The following ASTN2 variants were observed in gnomAD, a reference collection of about 807,000 sequenced individuals.
ASTN2 encodes the protein astrotactin 2.
Under a neutral mutation model 139.8 loss-of-function variants are expected in ASTN2, and 54 were observed. The observed-to-expected ratio is 0.39, with a 90% CI of 0.31 to 0.48. The LOEUF is 0.48. Ranked by LOEUF, ASTN2 falls within the 20% of genes least tolerant of loss-of-function variation. The probability of loss-of-function intolerance (pLI) is 0.95; values close to 1 mark genes in which losing one functional copy is unlikely to be tolerated. For synonymous variants in ASTN2, 756 were observed against 719.5 expected, an observed-to-expected ratio of 1.05 and a Z score of -0.81; for missense variants, 1,565 against 1,725.1, an observed-to-expected ratio of 0.91 and a Z score of 1.64.
chr9:116,632,807 G>A (rs889999244), intron 17 of ASTN2, among the ~76,000 whole-genome samples: 12 of 152,160 alleles, frequency 7.9e-5, no homozygotes, highest in African/African-American at 2.9e-4. Flanking sequence ...CTGCACCTTT[G>A]ACAACATATC....
intron 1 of ASTN2, among the ~76,000 whole-genome samples, chr9:117,372,241 T>C (rs1830009624): frequency 6.6e-6 from 1 of 152,192 alleles, no homozygotes. Flanking sequence ...TGCCTCTTCC[T>C]CTCTCTTTCC....
intron 3 of ASTN2, among the ~76,000 whole-genome samples, chr9:117,155,179 TGTC>T (rs1250159478): frequency 6.6e-6 from 1 of 152,042 alleles, no homozygotes; most frequent in Non-Finnish European, 1.5e-5. Flanking sequence ...AATCCTGAAT[TGTC>T]TTCTTCTTTT....
At chr9:116,428,049 A>G (rs1383617762) in intron 22 of ASTN2, among the ~76,000 whole-genome samples, 7 of 152,264 alleles carry the variant, frequency 4.6e-5, no homozygotes. Flanking sequence ...CTTCTGGTAG[A>G]GAAGATGGAC....
At chr9:116,596,124 G>T (rs1334656857) in intron 19 of ASTN2, among the ~76,000 whole-genome samples, 1 of 152,214 alleles carries the variant, frequency 6.6e-6, no homozygotes, top group Non-Finnish European at 1.5e-5. Flanking sequence ...TCTGCCATTT[G>T]AAATGACATG....
At chr9:117,403,182 C>T (rs1235786926) in intron 1 of ASTN2, among the ~76,000 whole-genome samples, 2 of 152,200 alleles carry the variant, frequency 1.3e-5, no homozygotes, top group African/African-American at 4.8e-5. Flanking sequence ...AGCCTGAGGT[C>T]TACCGTGATT....
At chr9:117,064,793 T>C (rs1827880313) in intron 5 of ASTN2, among the ~76,000 whole-genome samples, 1 of 131,850 alleles carries the variant, frequency 7.6e-6, no homozygotes, top group South Asian at 2.5e-4. Context: ...CCTAGATCTA[T>C]ATACTTAAAA....
At chr9:116,493,644 C>G (rs1849585968) in intron 19 of ASTN2, among the ~76,000 whole-genome samples, 1 of 152,120 alleles carries the variant, frequency 6.6e-6, no homozygotes, top group African/African-American at 2.4e-5. Flanking sequence ...CAATCCTCCT[C>G]CTTGTTTCCC....
intron 11 of ASTN2, among the ~76,000 whole-genome samples, chr9:116,834,421 C>A (rs1178047519): frequency 6.6e-6 from 1 of 152,098 alleles, no homozygotes; most frequent in East Asian, 1.9e-4. Flanking sequence ...GTAGAATTGT[C>A]TATTTTTTCT....
At chr9:116,923,766 G>A (rs1834677653) in intron 10 of ASTN2, among the ~76,000 whole-genome samples, 1 of 152,206 alleles carries the variant, frequency 6.6e-6, no homozygotes, top group African/African-American at 2.4e-5. Context: ...GCTCAGCAGA[G>A]GAGATTTAAT....
intron 4 of ASTN2, among the ~76,000 whole-genome samples, chr9:117,099,924 A>T (rs1828933939): frequency 6.6e-6 from 1 of 152,226 alleles, no homozygotes; most frequent in African/African-American, 2.4e-5. Context: ...TGGGATTGAA[A>T]TTTGGTCTGT....
intron 10 of ASTN2, among the ~76,000 whole-genome samples, chr9:116,875,701 G>A (rs1182746790): frequency 1.3e-5 from 2 of 152,202 alleles, no homozygotes; most frequent in Non-Finnish European, 2.9e-5. Flanking sequence ...TCTCATTAGG[G>A]GTTAATGCAG....
At chr9:116,609,227 C>G (rs563744021) in intron 19 of ASTN2, among the ~76,000 whole-genome samples, 2 of 150,602 alleles carry the variant, frequency 1.3e-5, no homozygotes, top group African/African-American at 4.9e-5. Flanking sequence ...CCAAGAAGCT[C>G]AACAAACCCC....
intron 19 of ASTN2, among the ~76,000 whole-genome samples, chr9:116,581,107 T>C (rs900659087): frequency 6.6e-6 from 1 of 152,206 alleles, no homozygotes; most frequent in Admixed American, 6.5e-5. Context: ...AAGTTCTGGT[T>C]GACCTTCCTG....
chr9:116,710,190 A>G (rs1287092977), intron 16 of ASTN2, among the ~76,000 whole-genome samples: 1 of 151,918 alleles, frequency 6.6e-6, no homozygotes, highest in Non-Finnish European at 1.5e-5. Flanking sequence ...TCACCTCCCA[A>G]TCCAAGCCAG....
chr9:117,197,590 T>A (rs1831548544), intron 3 of ASTN2, among the ~76,000 whole-genome samples: 1 of 152,204 alleles, frequency 6.6e-6, no homozygotes, highest in Non-Finnish European at 1.5e-5. Flanking sequence ...TGTGTGTGTG[T>A]ATACACAATT....
intron 4 of ASTN2, among the ~76,000 whole-genome samples, chr9:117,102,151 T>G (rs538115330): frequency 2.2e-4 from 33 of 152,316 alleles, no homozygotes; most frequent in Non-Finnish European, 4.3e-4. Flanking sequence ...AATCACCTGA[T>G]GAATGGATGA....
intron 19 of ASTN2, among the ~76,000 whole-genome samples, chr9:116,517,677 A>T (rs1850706991): frequency 6.6e-6 from 1 of 152,234 alleles, no homozygotes; most frequent in African/African-American, 2.4e-5. Flanking sequence ...TGCCAGAAAA[A>T]GAATTCAGAG....
intron 1 of ASTN2, among the ~76,000 whole-genome samples, chr9:117,368,869 A>G (rs560664652): frequency 8.5e-5 from 13 of 152,330 alleles, no homozygotes; most frequent in South Asian, 2.1e-4. Context: ...TATGAAGAAC[A>G]ATCATTTATA....
intron 1 of ASTN2, among the ~76,000 whole-genome samples, chr9:117,411,364 C>A (rs1021521945): frequency 3.5e-5 from 5 of 140,944 alleles, no homozygotes; most frequent in Non-Finnish European, 7.5e-5. Context: ...GGAGATAGTT[C>A]ACAACTGAAG....
Sources: gnomAD v4.1 joint callset for allele counts (sites outside exome capture counted in the v4.1 genomes callset) on GRCh38, gnomAD v4.1.1 for gene constraint, MANE v1.5 for transcripts, NCBI Gene and HGNC (gene_info 2026-07-23, HGNC 2026-07-21) for gene names.